The following SEC24A variants were observed in gnomAD, a reference collection of about 807,000 sequenced individuals.
The protein encoded by SEC24A is SEC24 homolog A, COPII component.
In SEC24A, 93 loss-of-function variants were observed where a neutral mutation model predicts 129.4. The observed-to-expected ratio is 0.72, with a 90% CI of 0.61 to 0.85. The LOEUF (loss-of-function observed/expected upper bound fraction) is 0.85. Among genes scored for constraint, SEC24A ranks in the 40% least tolerant of loss-of-function variants. The pLI is 0.00. For missense variants in SEC24A, 1,264 were observed against 1,307.4 expected (o/e 0.97, Z 0.51); for synonymous variants, 460 against 467.3 (o/e 0.98, Z 0.20).
chr5:134,656,326 C>T (rs1158799976), intron 1 of SEC24A, among the ~76,000 whole-genome samples: 2 of 152,096 alleles, frequency 1.3e-5, no homozygotes, highest in African/African-American at 4.8e-5. Flanking sequence ...GATCTGCCCG[C>T]CTTGACCTCC....
intron 8 of SEC24A, among the ~76,000 whole-genome samples, 196 bp downstream of exon 8, chr5:134,679,924 A>C (rs1050919071): frequency 2.0e-5 from 3 of 152,096 alleles, no homozygotes; most frequent in Non-Finnish European, 2.9e-5. Flanking sequence ...TTTTTTAAGC[A>C]AAAAATAATG....
At chr5:134,712,311 C>T (rs957866711) in intron 18 of SEC24A, among the ~76,000 whole-genome samples, 6 of 151,550 alleles carry the variant, frequency 4.0e-5, no homozygotes, top group Admixed American at 6.6e-5. Context: ...AGTGTAGTGA[C>T]GTGATCTTGG....
intron 1 of SEC24A, among the ~76,000 whole-genome samples, chr5:134,654,594 T>C (rs1750177373): frequency 6.6e-6 from 1 of 152,114 alleles, no homozygotes; most frequent in Non-Finnish European, 1.5e-5. Flanking sequence ...GACCTTAAAC[T>C]AATGGATCTT....
intron 2 of SEC24A, among the ~76,000 whole-genome samples, chr5:134,662,738 C>T (rs1187978160): frequency 2.0e-5 from 3 of 152,130 alleles, no homozygotes; most frequent in Non-Finnish European, 4.4e-5. Context: ...TTGTGGAAAT[C>T]TTCTGACCTG....
At chr5:134,711,332 A>C (rs1427494065) in intron 18 of SEC24A, among the ~76,000 whole-genome samples, 1 of 151,914 alleles carries the variant, frequency 6.6e-6, no homozygotes, top group Non-Finnish European at 1.5e-5. Context: ...TAAAAAAGAA[A>C]CAACTCATGT....
At chr5:134,666,775 A>T (rs370698733) in intron 2 of SEC24A, 48 bp from the exon 3 acceptor site, 755 of 1,542,600 alleles carry the variant, frequency 4.9e-4, no homozygotes, top group Non-Finnish European at 6.2e-4. Context: ...GATTTTGGCC[A>T]TAGTCTTGAG....
At chr5:134,724,655 G>C (rs1000656277) in intron 22 of SEC24A, among the ~76,000 whole-genome samples, 3 of 151,640 alleles carry the variant, frequency 2.0e-5, no homozygotes, top group African/African-American at 7.3e-5. Context: ...AATCCATTCA[G>C]TTATTTCCAT....
At chr5:134,686,728 C>T in intron 9 of SEC24A, 62 bp from the exon 10 acceptor site, 2 of 917,320 alleles carry the variant, frequency 2.2e-6, no homozygotes, top group Non-Finnish European at 3.4e-6. Context: ...GTATGTGTAC[C>T]CAGCAAATAA....
At chr5:134,686,768 A>C (rs753105980) in intron 9 of SEC24A, 22 bp from the exon 10 acceptor site, 8 of 1,427,856 alleles carry the variant, frequency 5.6e-6, no homozygotes, top group Non-Finnish European at 7.8e-6. Flanking sequence ...AAATGTACTT[A>C]ACAAGATCTT....
rs539548183 is a variant in SEC24A, at chr5:134,689,589, C to T, written c.1723+1290C>T. On this transcript the variant is annotated intron_variant, in intron 11 of 22. Coordinates refer to ENST00000398844, the MANE Select transcript of SEC24A (RefSeq NM_021982.3). ...CATCCTGGCCAACATGGTGAAACCC[C>T]GTCTCTACTAAAAATACAAAAATTA... 7.6e-3 allele frequency among the ~76,000 whole-genome samples: 1,160 copies of T among 152,084 alleles called. 13 individuals are homozygous for T. The highest frequency in any genetic ancestry group is 0.027 in the African/African-American group (1,100 of 41,482).
chr5:134,716,936 A>G (rs1335172503), intron 19 of SEC24A, among the ~76,000 whole-genome samples: 2 of 148,738 alleles, frequency 1.3e-5, no homozygotes, highest in Admixed American at 6.7e-5. Context: ...CTGGAGTGCA[A>G]TGGACTGATC....
Position 134,703,906 on chromosome 5 carries a change from C to T in SEC24A, c.2414C>T (p.Ser805Leu), listed in dbSNP as rs200149843. The T allele has an allele frequency of 5.0e-6, 8 of 1,607,462 alleles. No homozygotes were observed. Among genetic ancestry groups the T allele is most frequent in the Non-Finnish European group, 6.8e-6 (8 of 1,174,748 alleles). ...LTDTQLVSFQSALLYTSSKGE... is the reference protein window; with the variant it reads ...LTDTQLVSFQLALLYTSSKGE... Reference sequence around the variant, plus strand: ...GACACTCAGTTGGTTTCTTTTCAGTCAGCACTCTTGTATACATCCAGCAAA... The same window carrying T: ...GACACTCAGTTGGTTTCTTTTCAGTTAGCACTCTTGTATACATCCAGCAAA... Residue 805 changes from serine (S) to leucine (L), a missense_variant, in exon 16 of 23, where the codon TCA becomes TTA. Physicochemically the swap from Ser to Leu is moderately radical, Grantham distance 145. Transcript: ENST00000398844.
chr5:134,671,908 T>C, intron 4 of SEC24A, 22 bp downstream of exon 4: 1 of 1,448,954 alleles, frequency 6.9e-7, no homozygotes, highest in Non-Finnish European at 9.6e-7. Context: ...TGAAAGTTTT[T>C]TTTTTAATCT....
chr5:134,714,896 T>TC, intron 18 of SEC24A, 128 bp from the exon 19 acceptor site: 1 of 930,786 alleles, frequency 1.1e-6, no homozygotes, highest in Non-Finnish European at 1.6e-6. Flanking sequence ...AAAAGATACT[T>TC]TAAAAAAATT....
intron 9 of SEC24A, among the ~76,000 whole-genome samples, chr5:134,685,759 G>T (rs916941692): frequency 2.6e-5 from 4 of 152,098 alleles, no homozygotes; most frequent in African/African-American, 7.2e-5. Flanking sequence ...AGCGAAGGCG[G>T]GCGGATCACA....
intron 2 of SEC24A, among the ~76,000 whole-genome samples, chr5:134,663,164 A>C (rs191557448): frequency 4.4e-4 from 67 of 152,136 alleles, no homozygotes; most frequent in African/African-American, 1.5e-3. Flanking sequence ...AGTGTCATCA[A>C]ACTGCTGGGC....
At chr5:134,723,471 AAAT>A in intron 21 of SEC24A, 93 bp from the exon 22 acceptor site, 2 of 769,930 alleles carry the variant, frequency 2.6e-6, no homozygotes, top group Non-Finnish European at 4.2e-6. Context: ...AAAAGAAAAA[AAAT>A]GTAATTAAAA....
In SEC24A at chr5:134,693,898, C is replaced by T; in HGVS notation, c.1951C>T (p.Pro651Ser). 3 of 1,614,070 alleles carry T rather than the reference C, an allele frequency of 1.9e-6. No homozygotes were observed. Among genetic ancestry groups the T allele is most frequent in the Non-Finnish European group, 2.5e-6 (3 of 1,180,006 alleles). ...LPTLGVGALK[P>S]REEPNHRSSA... is the part of the protein sequence containing the mutation. Reference sequence around the variant, plus strand: ...AACTCTTGGAGTGGGAGCCCTGAAACCACGAGAGGAACCAAACCACAGGTC... The same window carrying T: ...AACTCTTGGAGTGGGAGCCCTGAAATCACGAGAGGAACCAAACCACAGGTC... Residue 651 changes from proline (P) to serine (S), a missense_variant, in exon 13 of 23, where the codon CCA becomes TCA. Coordinates refer to ENST00000398844, the MANE Select transcript of SEC24A (RefSeq NM_021982.3).
intron 13 of SEC24A, among the ~76,000 whole-genome samples, chr5:134,694,264 A>G (rs991540265): frequency 1.3e-5 from 2 of 152,002 alleles, no homozygotes; most frequent in Non-Finnish European, 2.9e-5. Flanking sequence ...GGTAGCTCAC[A>G]CCTGTAATCC....
Sources: allele counts gnomAD v4.1 joint callset (sites outside exome capture counted in the v4.1 genomes callset), GRCh38; gene constraint gnomAD v4.1.1; transcripts MANE v1.5; gene names NCBI Gene and HGNC (gene_info 2026-07-23, HGNC 2026-07-21).